The following TGFB3 variants were observed in gnomAD, a reference collection of about 807,000 sequenced individuals.
The protein encoded by TGFB3 is transforming growth factor beta 3.
TGFB3 carries 5 observed loss-of-function variants against 40.1 expected under a neutral mutation model. That is an observed-to-expected ratio of 0.12 (90% CI 0.07 to 0.26). The LOEUF is 0.26. Among genes scored for constraint, TGFB3 ranks in the 10% least tolerant of loss-of-function variants. The pLI is 1.00. For missense variants in TGFB3, 373 were observed against 530.1 expected (o/e 0.70, Z 2.91); for synonymous variants, 184 against 205.6 (o/e 0.89, Z 0.90).
rs1384899206 is a variant in TGFB3 at position 75,958,263 on chromosome 14, A to T, written c.*924T>A. 1.3e-5 allele frequency: 2 copies of T among 152,668 alleles called. No homozygotes were observed. The highest frequency in any genetic ancestry group is 6.5e-5 in the Admixed American group (1 of 15,286). The allele number at this position is 152,668 out of a possible 1,614,324, so 9.5% of individuals were successfully genotyped here. A position where few individuals can be genotyped will look rare whatever the true frequency, so the allele number is the denominator to read the frequency against. Reference sequence around the variant, plus strand: ...CTGGGGCCAAGTCACTGTGTGGCACATGTGCAGCTTCCCCGAATGCCTCAC... The same window carrying T: ...CTGGGGCCAAGTCACTGTGTGGCACTTGTGCAGCTTCCCCGAATGCCTCAC... On this transcript the variant is annotated 3_prime_UTR_variant, in exon 7 of 7. Transcript: ENST00000238682.
chr14:75,967,301 T>C (rs975707695), intron 3 of TGFB3, among the ~76,000 whole-genome samples: 3 of 152,188 alleles, frequency 2.0e-5, no homozygotes, highest in Non-Finnish European at 4.4e-5. Flanking sequence ...CCTGCTGAGC[T>C]TGAAGATCTC....
At chr14:75,969,467 T>A (rs2035260851) in intron 3 of TGFB3, among the ~76,000 whole-genome samples, 1 of 152,200 alleles carries the variant, frequency 6.6e-6, no homozygotes, top group Non-Finnish European at 1.5e-5. Flanking sequence ...CTCGGTCAAG[T>A]CACTTAACTT....
chr14:75,969,551 C>A (rs1260166943), intron 3 of TGFB3, among the ~76,000 whole-genome samples: 2 of 152,194 alleles, frequency 1.3e-5, no homozygotes, highest in Non-Finnish European at 2.9e-5. Flanking sequence ...ATGAAGTTCT[C>A]TCAAATACAT....
intron 3 of TGFB3, among the ~76,000 whole-genome samples, chr14:75,968,031 G>C (rs2035242015): frequency 6.6e-6 from 1 of 152,226 alleles, no homozygotes; most frequent in African/African-American, 2.4e-5. Context: ...TGCCTAGCTA[G>C]GTGCTGCAGA....
At chr14:75,982,678 G>T (rs907407848), upstream of TGFB3, 48 of 151,328 alleles carry the variant, frequency 3.2e-4, no homozygotes, top group Admixed American at 1.0e-3. This position sits in a 1 kb window ranked among gnomAD's most constrained non-coding sequence, Gnocchi z 4.0. Context: ...GGGGCTGGGG[G>T]CTGCGGGGTG....
chr14:75,963,307 C>CA lies in TGFB3; in HGVS notation c.926+8dup, dbSNP rs764553192. 8 of 1,614,036 alleles carry CA rather than the reference C, an allele frequency of 5.0e-6. No homozygotes were observed. The South Asian group carries it at 8.8e-5, about 18-fold the overall frequency. ...GTAGATGTTGGTTCCCATGTGGGCCCAGTCTCACCGGAAGCAGTAATTGGT... is the reference window on the plus strand; with the variant it reads ...GTAGATGTTGGTTCCCATGTGGGCCCAAGTCTCACCGGAAGCAGTAATTGGT... On this transcript the variant is annotated intron_variant, in intron 5 of 6. Transcript: ENST00000238682.
chr14:75,961,106 A>G, intron 5 of TGFB3, 30 bp from the exon 6 acceptor site: 3 of 1,613,304 alleles, frequency 1.9e-6, no homozygotes, highest in Non-Finnish European at 2.5e-6. Context: ...TAGAAAATCA[A>G]CTTAAAACCA....
chr14:75,965,774 G>A, intron 3 of TGFB3, 79 bp from the exon 4 acceptor site: 1 of 1,180,132 alleles, frequency 8.5e-7, no homozygotes, highest in South Asian at 1.2e-5. Context: ...GCAAGGGTGA[G>A]CCAGGGCCTC....
intron 1 of TGFB3, among the ~76,000 whole-genome samples, chr14:75,975,185 T>C (rs895817735): frequency 4.0e-5 from 6 of 151,894 alleles, no homozygotes; most frequent in Admixed American, 2.0e-4. Flanking sequence ...CTGGCCAACA[T>C]GGCAAAACCC....
At chr14:75,968,462 A>G (rs572192906) in intron 3 of TGFB3, among the ~76,000 whole-genome samples, 1 of 152,226 alleles carries the variant, frequency 6.6e-6, no homozygotes, top group African/African-American at 2.4e-5. Flanking sequence ...ATGTCTCAGG[A>G]GGATGGAAAT....
At chr14:75,967,023 T>C (rs2035229031) in intron 3 of TGFB3, among the ~76,000 whole-genome samples, 1 of 152,198 alleles carries the variant, frequency 6.6e-6, no homozygotes, top group African/African-American at 2.4e-5. Context: ...CCACACACCA[T>C]GTGTGTGAGC....
chr14:75,966,771 G>C (rs2035226227), intron 3 of TGFB3: 1 of 152,236 alleles, frequency 6.6e-6, no homozygotes, highest in Admixed American at 6.5e-5. Context: ...ATGAGGTTGA[G>C]TGAAGTGAAG....
chr14:75,971,475 G>A lies in TGFB3; in HGVS notation c.516+80C>T, dbSNP rs996444508. The stretch of plus-strand genomic sequence containing the variant: ...GGATTCAAACCCAGGTCTGCCAAAC[G>A]CTGCACCCAGTGGTGCCCTGATATG... On this transcript the variant is annotated intron_variant, in intron 2 of 6. Coordinates refer to ENST00000238682, the MANE Select transcript of TGFB3 (RefSeq NM_003239.5). This position sits in a 1 kb window ranked among gnomAD's most constrained non-coding sequence, Gnocchi z 4.5. 17 of 1,587,738 alleles carry A rather than the reference G, an allele frequency of 1.1e-5. No homozygotes were observed. The African/African-American group carries it at 1.2e-4, about 11-fold the overall frequency.
intron 4 of TGFB3, among the ~76,000 whole-genome samples, chr14:75,963,842 C>T (rs1225144556): frequency 6.6e-6 from 1 of 152,066 alleles, no homozygotes. Context: ...AAGTGGGTAC[C>T]TAACACATAT....
rs921052571 is a variant in TGFB3, at chr14:75,971,956, G to A, written c.353-238C>T. Among the ~76,000 whole-genome samples, 1 of 152,226 alleles carries A rather than the reference G, an allele frequency of 6.6e-6. No homozygotes were observed. The highest frequency in any genetic ancestry group is 1.5e-5 in the Non-Finnish European group (1 of 68,038). On this transcript the variant is annotated intron_variant, in intron 1 of 6. Transcript: ENST00000238682. The surrounding 1 kb of genome is among the most constrained non-coding windows in gnomAD (Gnocchi z 4.5). ...CCACAACATGGCACTAGACTGGCCA[G>A]TCAAATCTAATTGCCCCCTCCTCCC... is the stretch of plus-strand genomic sequence containing the variant.
chr14:75,972,455 A>G (rs1486456866), intron 1 of TGFB3, among the ~76,000 whole-genome samples: 2 of 152,240 alleles, frequency 1.3e-5, no homozygotes, highest in Non-Finnish European at 2.9e-5. Flanking sequence ...AAGATGTCAC[A>G]ATGCAGGAGC....
At position 75,978,906 on chromosome 14, in the gene TGFB3, T is replaced by G. The variant is rs1402111639; in HGVS notation, c.352+1636A>C. Among the ~76,000 whole-genome samples, 4 of 152,164 alleles carry G rather than the reference T, an allele frequency of 2.6e-5. No homozygotes were observed. The highest frequency in any genetic ancestry group is 9.7e-5 in the African/African-American group (4 of 41,446). On this transcript the variant is annotated intron_variant, in intron 1 of 6. Coordinates refer to ENST00000238682, the MANE Select transcript of TGFB3 (RefSeq NM_003239.5). This position sits in a 1 kb window ranked among gnomAD's most constrained non-coding sequence, Gnocchi z 5.0. ...AGGTCTGAGTCCTGCCCTCTTGCCC[T>G]GGACTCTCCTCACACCTCTCCTGCC...
rs556465773 is a variant in TGFB3, at chr14:75,959,001, C to T, written c.*186G>A. 1.4e-4 allele frequency: 104 copies of T among 717,978 alleles called. No individual in the cohort carries two copies. Among genetic ancestry groups the T allele is most frequent in the Middle Eastern group, 1.1e-3 (3 of 2,634 alleles). The allele number at this position is 717,978 out of a possible 1,614,324, so 44.5% of individuals were successfully genotyped here. A position where few individuals can be genotyped will look rare whatever the true frequency, so the allele number is the denominator to read the frequency against. Reference sequence around the variant, plus strand: ...ACCAAACCCACACTTTCTTTACCACCGTGATTCTCAGAGCCAGCAAGAAAG... The same window carrying T: ...ACCAAACCCACACTTTCTTTACCACTGTGATTCTCAGAGCCAGCAAGAAAG... On this transcript the variant is annotated 3_prime_UTR_variant, in exon 7 of 7. Coordinates refer to ENST00000238682, the MANE Select transcript of TGFB3 (RefSeq NM_003239.5).
At chr14:75,982,156 C>T (rs1288122260), upstream of TGFB3, among the ~76,000 whole-genome samples, 8 of 152,214 alleles carry the variant, frequency 5.3e-5, no homozygotes, top group Non-Finnish European at 8.8e-5. The surrounding 1 kb of genome is among the most constrained non-coding windows in gnomAD (Gnocchi z 4.0). Context: ...AAATACTTTG[C>T]GAGTCCTCTC....
Sources: gnomAD v4.1 joint callset for allele counts (sites outside exome capture counted in the v4.1 genomes callset) on GRCh38, gnomAD v4.1.1 for gene constraint, Gnocchi (gnomAD v3.1) non-coding constraint, MANE v1.5 for transcripts, NCBI Gene and HGNC (gene_info 2026-07-23, HGNC 2026-07-21) for gene names.